The following GMPR variants were observed in gnomAD, a reference collection of about 807,000 sequenced individuals.
The protein encoded by GMPR is guanosine monophosphate reductase.
A neutral mutation model predicts 38.4 loss-of-function variants in GMPR; 31 were observed. The ratio of observed to expected loss-of-function variants is 0.81; its 90% CI spans 0.61 to 1.09. GMPR has a LOEUF of 1.09. GMPR is among the 50% of genes least tolerant of loss of function. GMPR has a pLI of 0.00. For missense variants in GMPR, 468 were observed against 453.7 expected (o/e 1.03, Z -0.29); for synonymous variants, 162 against 173.3 (o/e 0.93, Z 0.51).
chr6:16,253,270 G>T (rs1292471564), intron 3 of GMPR, among the ~76,000 whole-genome samples: 2 of 152,238 alleles, frequency 1.3e-5, no homozygotes, highest in African/African-American at 2.4e-5. Flanking sequence ...GCAATTCTGT[G>T]TACAGGTTGA....
At position 16,284,440 on chromosome 6, in the gene GMPR, C is replaced by T. The variant is rs370785450; in HGVS notation, c.655-1353C>T. Among the ~76,000 whole-genome samples the T allele has an allele frequency of 2.3e-3, 352 of 152,244 alleles. 4 individuals are homozygous for T. The highest frequency in any genetic ancestry group is 7.9e-3 in the African/African-American group (327 of 41,542). On this transcript the variant is annotated intron_variant, in intron 6 of 8. Transcript: ENST00000259727. ...GGGTAGCCTGGGCACCCTGTCTTTT[C>T]TCTATTCCTTCCCAAAGTGGGTCCC...
chr6:16,278,915 C>G (rs1346561413), intron 6 of GMPR, 25 bp downstream of exon 6: 14 of 1,476,164 alleles, frequency 9.5e-6, no homozygotes, highest in South Asian at 1.2e-5. Flanking sequence ...GGGGCTGAGG[C>G]TGGGGTGTCT....
intron 1 of GMPR, among the ~76,000 whole-genome samples, chr6:16,244,785 G>A (rs1044423908): frequency 1.3e-5 from 2 of 152,176 alleles, no homozygotes; most frequent in African/African-American, 4.8e-5. Context: ...ATGTGTGTGT[G>A]TCTGGGTGGA....
chr6:16,271,512 G>A lies in GMPR; in HGVS notation c.466-2903G>A, dbSNP rs963439526. Among the ~76,000 whole-genome samples, 3 of 152,154 alleles carry A rather than the reference G, an allele frequency of 2.0e-5. No homozygotes were observed. In the South Asian group the frequency reaches 6.2e-4, roughly 31 times the overall value. On this transcript the variant is annotated intron_variant, in intron 4 of 8. Coordinates refer to ENST00000259727, the MANE Select transcript of GMPR (RefSeq NM_006877.4). ...AAAAAGAAAAAAGAAAACAAAATGT[G>A]TGGTGGGCTTAGAGTAGCTTCTCTA...
At chr6:16,250,435 G>C in intron 3 of GMPR, 68 bp downstream of exon 3, 1 of 882,162 alleles carries the variant, frequency 1.1e-6, no homozygotes, top group Non-Finnish European at 1.9e-6. Flanking sequence ...GAGCTGTCAA[G>C]AGGATTTCAG....
intron 5 of GMPR, among the ~76,000 whole-genome samples, chr6:16,277,049 A>G (rs957282525): frequency 2.6e-5 from 4 of 152,078 alleles, no homozygotes; most frequent in Non-Finnish European, 5.9e-5. Context: ...TAGCAATTCA[A>G]TGGGAGAGGA....
chr6:16,260,949 G>A (rs1253516457), intron 4 of GMPR, among the ~76,000 whole-genome samples: 6 of 152,106 alleles, frequency 3.9e-5, no homozygotes, highest in African/African-American at 1.4e-4. Flanking sequence ...GAGCCGGGGA[G>A]CAGAAAGTAT....
At chr6:16,273,863 T>C (rs1484988484) in intron 4 of GMPR, among the ~76,000 whole-genome samples, 1 of 147,466 alleles carries the variant, frequency 6.8e-6, no homozygotes, top group Non-Finnish European at 1.5e-5. Flanking sequence ...TCGTCCAGGC[T>C]GGAGTACAGT....
intron 1 of GMPR, among the ~76,000 whole-genome samples, chr6:16,243,094 C>T (rs536470460): frequency 5.9e-5 from 9 of 152,074 alleles, no homozygotes; most frequent in African/African-American, 2.2e-4. Flanking sequence ...ATAATTCAAC[C>T]CATAACAGAC....
At chr6:16,238,809 G>C in intron 1 of GMPR, 29 bp downstream of exon 1, 1 of 1,350,720 alleles carries the variant, frequency 7.4e-7, no homozygotes, top group Non-Finnish European at 1.0e-6. Context: ...TCGCAGTGGG[G>C]TGGGATTTTT....
At position 16,285,436 on chromosome 6, in the gene GMPR, G is replaced by A. The variant is rs1759661050; in HGVS notation, c.655-357G>A. Among the ~76,000 whole-genome samples, 3 of 152,354 alleles carry A rather than the reference G, an allele frequency of 2.0e-5. No individual in the cohort carries two copies. The South Asian group carries it at 6.2e-4, about 32-fold the overall frequency. ...AGTGTGGACAGTGGAATGGCTGGGT[G>A]TGTTATGTAGGGGGCTGGCATGGGA... On this transcript the variant is annotated intron_variant, in intron 6 of 8. Transcript: ENST00000259727.
At chr6:16,287,184 G>A (rs181439266) in intron 7 of GMPR, among the ~76,000 whole-genome samples, 1 of 152,296 alleles carries the variant, frequency 6.6e-6, no homozygotes, top group East Asian at 1.9e-4. Context: ...GGCAGAACAG[G>A]GAGAATACAG....
In GMPR at chr6:16,250,288, C is replaced by T; in HGVS notation, c.212C>T (p.Ser71Phe). ...FEMAAVMSQHSMFTAIHKHYS... is the reference protein window; with the variant it reads ...FEMAAVMSQHFMFTAIHKHYS... ...TGGTGCTGTTTTGTTTTCTAGCACT[C>T]CATGTTTACAGCAATTCATAAGCAT... The change falls in exon 3 of 9, where the codon TCC becomes TTC. Residue 71 changes from serine to phenylalanine, a missense_variant. Coordinates refer to ENST00000259727, the MANE Select transcript of GMPR (RefSeq NM_006877.4). The T allele has an allele frequency of 6.3e-7, 1 of 1,593,896 alleles. No individual in the cohort carries two copies. Among genetic ancestry groups the T allele is most frequent in the African/African-American group, 1.3e-5 (1 of 74,656 alleles).
intron 6 of GMPR, among the ~76,000 whole-genome samples, chr6:16,281,286 G>T (rs965605070): frequency 1.3e-5 from 2 of 152,162 alleles, no homozygotes; most frequent in Non-Finnish European, 2.9e-5. Flanking sequence ...AGACCCACTG[G>T]CTTATAGAGT....
In GMPR at chr6:16,267,151, C is replaced by G. The variant is rs549911868; in HGVS notation, c.466-7264C>G. 4.6e-5 allele frequency among the ~76,000 whole-genome samples: 7 copies of G among 152,204 alleles called. 1 individual carries two copies. In the South Asian group the frequency reaches 1.5e-3, roughly 32 times the overall value. On this transcript the variant is annotated intron_variant, in intron 4 of 8. Coordinates refer to ENST00000259727, the MANE Select transcript of GMPR (RefSeq NM_006877.4). ...GGCCGAGGTGGGCGGATCACCAGGT[C>G]AGGAGATCATGACCATCCTGGCTAA...
intron 4 of GMPR, among the ~76,000 whole-genome samples, chr6:16,274,196 T>G (rs967845020): frequency 4.6e-5 from 7 of 152,168 alleles, no homozygotes; most frequent in Non-Finnish European, 1.0e-4. Context: ...CTCTTCTAGT[T>G]CTTAAATCAT....
chr6:16,246,318 CAT>C (rs2113668710), intron 1 of GMPR, among the ~76,000 whole-genome samples: 2 of 152,302 alleles, frequency 1.3e-5, no homozygotes, highest in South Asian at 4.1e-4. Flanking sequence ...TATGCAGGAA[CAT>C]ATGGTTGCAA....
At chr6:16,275,835 A>G (rs1033290564) in intron 5 of GMPR, among the ~76,000 whole-genome samples, 1 of 152,162 alleles carries the variant, frequency 6.6e-6, no homozygotes, top group African/African-American at 2.4e-5. Flanking sequence ...AGGTGGGTGG[A>G]TCGCTTGAGC....
At chr6:16,273,711 G>A (rs1759427547) in intron 4 of GMPR, among the ~76,000 whole-genome samples, 1 of 152,054 alleles carries the variant, frequency 6.6e-6, no homozygotes, top group Non-Finnish European at 1.5e-5. Flanking sequence ...ATTCTTCAGG[G>A]GCTTTGCAAA....
Sources: allele counts gnomAD v4.1 joint callset (sites outside exome capture counted in the v4.1 genomes callset), GRCh38; gene constraint gnomAD v4.1.1; transcripts MANE v1.5; gene names NCBI Gene and HGNC (gene_info 2026-07-23, HGNC 2026-07-21).